Variants in ATF7IP2 observed in about 807,000 individuals in gnomAD.
The protein encoded by ATF7IP2 is activating transcription factor 7 interacting protein 2.
ATF7IP2 carries 42 observed loss-of-function variants against 64.2 expected under a neutral mutation model. The ratio of observed to expected loss-of-function variants is 0.65; its 90% confidence interval spans 0.51 to 0.85. The LOEUF (loss-of-function observed/expected upper bound fraction) is 0.85. Ranked by LOEUF, ATF7IP2 falls within the 40% of genes least tolerant of loss-of-function variation. The pLI is 0.00. For missense variants in ATF7IP2, 933 were observed against 784.2 expected (o/e 1.19, Z -2.27); for synonymous variants, 308 against 272.8 (o/e 1.13, Z -1.27).
At chr16:10,442,314 C>T (rs1352842743) in intron 8 of ATF7IP2, among the ~76,000 whole-genome samples, 1 of 152,164 alleles carries the variant, frequency 6.6e-6, no homozygotes, top group Non-Finnish European at 1.5e-5. Flanking sequence ...ACACTTTATT[C>T]TTCAAACTTA....
rs1474511123 is a variant in ATF7IP2, at chr16:10,433,628, G to A, written c.939G>A (p.Arg313=). The A allele has an allele frequency of 1.9e-6, 3 of 1,613,586 alleles. No homozygotes were observed. In the African/African-American group the frequency reaches 4.0e-5, roughly 22 times the overall value. The part of the protein sequence containing the change: ...INENICVSLE[R]QTAFLEQVRH... Reference sequence around the variant, plus strand: ...AAAATATTTGTGTAAGTTTGGAAAGGCAAACAGCATTCCTGGAACAGGTAA... The same window carrying A: ...AAAATATTTGTGTAAGTTTGGAAAGACAAACAGCATTCCTGGAACAGGTAA... The change falls in exon 6 of 14, where the codon AGG becomes AGA. Residue 313 remains arginine (R), a synonymous_variant. Coordinates refer to ENST00000562102, the MANE Select transcript of ATF7IP2 (RefSeq NM_001393719.1).
chr16:10,457,598 T>A (rs907749319), intron 9 of ATF7IP2, 69 bp downstream of exon 9: 53 of 1,184,460 alleles, frequency 4.5e-5, no homozygotes, highest in Non-Finnish European at 5.5e-5. Flanking sequence ...TTCATCACAG[T>A]TTTGGATCTT....
intron 8 of ATF7IP2, among the ~76,000 whole-genome samples, chr16:10,453,152 A>G (rs2049044120): frequency 6.6e-6 from 1 of 152,148 alleles, no homozygotes; most frequent in African/African-American, 2.4e-5. Context: ...AAACTCCTGC[A>G]CCTAACTCAG....
intron 4 of ATF7IP2, among the ~76,000 whole-genome samples, chr16:10,429,593 C>T (rs967034704): frequency 1.3e-5 from 2 of 152,140 alleles, no homozygotes; most frequent in Admixed American, 6.5e-5. Context: ...AGGTGATCCA[C>T]CTGCCTCGGC....
At chr16:10,417,890 G>T (rs1002209871) in intron 2 of ATF7IP2, among the ~76,000 whole-genome samples, 1 of 152,170 alleles carries the variant, frequency 6.6e-6, no homozygotes, top group East Asian at 1.9e-4. Context: ...TTTTATGAGG[G>T]TGTCATAAAA....
Position 10,424,267 on chromosome 16 carries a change from G to A in ATF7IP2, c.-159-4601G>A, listed in dbSNP as rs374834341. Among the ~76,000 whole-genome samples, 477 of 152,282 alleles carry A rather than the reference G, an allele frequency of 3.1e-3. 4 individuals carry two copies. The highest frequency in any genetic ancestry group is 0.014 in the Middle Eastern group (4 of 294). On this transcript the variant is annotated intron_variant, in intron 3 of 13. Coordinates refer to ENST00000562102, the MANE Select transcript of ATF7IP2 (RefSeq NM_001393719.1). Reference sequence around the variant, plus strand: ...ATAGCCATCACGAGCCTGTCACACTGCTGCAGAGATTTTGTTTATGGCCAG... The same window carrying A: ...ATAGCCATCACGAGCCTGTCACACTACTGCAGAGATTTTGTTTATGGCCAG...
In ATF7IP2 at chr16:10,412,013, T is replaced by G. The variant is rs1375412057; in HGVS notation, c.-241-2561T>G. ...TTTGTTTCATTTATCTTTTTTTGTT[T>G]TTTTTTTTTTTTTTTTTTTTTTTTT... On this transcript the variant is annotated intron_variant, in intron 1 of 13. Transcript: ENST00000562102. 2.6e-3 allele frequency among the ~76,000 whole-genome samples: 364 copies of G among 138,242 alleles called. 37 individuals are homozygous for G. The highest frequency in any genetic ancestry group is 8.2e-3 in the African/African-American group (303 of 36,808). The allele number at this position is 138,242 out of a possible 152,430, so 90.7% of individuals were successfully genotyped here.
At position 10,482,715 on chromosome 16, in the gene ATF7IP2, G is replaced by GTTAA. The variant is rs2050280605; in HGVS notation, c.*470_*473dup. ...TGACATGTTGGGCTGCATGATAAAAGTTAATTATAAAAATTAAAAGATTTT... is the reference window on the plus strand; with the variant it reads ...TGACATGTTGGGCTGCATGATAAAAGTTAATTAATTATAAAAATTAAAAGATTTT... On this transcript the variant is annotated 3_prime_UTR_variant, in exon 14 of 14. Coordinates refer to ENST00000562102, the MANE Select transcript of ATF7IP2 (RefSeq NM_001393719.1). 1.3e-5 allele frequency: 2 copies of GTTAA among 152,372 alleles called. No homozygotes were observed. Among genetic ancestry groups the GTTAA allele is most frequent in the Non-Finnish European group, 2.9e-5 (2 of 68,114 alleles). The allele number at this position is 152,372 out of a possible 1,614,324, so 9.4% of individuals were successfully genotyped here. A position where few individuals can be genotyped will look rare whatever the true frequency, so the allele number is the denominator to read the frequency against.
At chr16:10,463,993 C>G (rs537431507) in intron 9 of ATF7IP2, among the ~76,000 whole-genome samples, 13 of 152,122 alleles carry the variant, frequency 8.5e-5, no homozygotes, top group African/African-American at 3.1e-4. Context: ...TTTTTGCTTG[C>G]TTTCATAGCA....
intron 12 of ATF7IP2, among the ~76,000 whole-genome samples, chr16:10,479,443 T>C (rs948939825): frequency 9.2e-5 from 14 of 152,054 alleles, no homozygotes; most frequent in African/African-American, 2.7e-4. Flanking sequence ...TAGGTGGGAA[T>C]TGAACAATGA....
At chr16:10,451,727 T>C (rs1186658584) in intron 8 of ATF7IP2, among the ~76,000 whole-genome samples, 1 of 152,002 alleles carries the variant, frequency 6.6e-6, no homozygotes, top group African/African-American at 2.4e-5. Flanking sequence ...TATCTAACCT[T>C]TTTTCAAAGC....
chr16:10,438,671 G>A (rs1467137200), intron 7 of ATF7IP2, among the ~76,000 whole-genome samples: 1 of 152,134 alleles, frequency 6.6e-6, no homozygotes, highest in East Asian at 1.9e-4. Flanking sequence ...CATATCATAG[G>A]CAATGTAATT....
chr16:10,480,567 G>A (rs1291993908), intron 12 of ATF7IP2, among the ~76,000 whole-genome samples: 2 of 151,020 alleles, frequency 1.3e-5, no homozygotes, highest in Non-Finnish European at 2.9e-5. Context: ...AGACATCTTT[G>A]TTGGCCTAAC....
At chr16:10,457,308 T>C (rs865867130) in intron 8 of ATF7IP2, 64 bp from the exon 9 acceptor site, 4 of 1,417,272 alleles carry the variant, frequency 2.8e-6, no homozygotes, top group Middle Eastern at 1.8e-4. Flanking sequence ...AAATGCTAAT[T>C]TTGTTTGGAA....
At chr16:10,440,343 T>G (rs1167363357) in intron 7 of ATF7IP2, 21 bp from the exon 8 acceptor site, 6 of 1,300,570 alleles carry the variant, frequency 4.6e-6, no homozygotes, top group African/African-American at 3.0e-5. Context: ...TAGTATTTAT[T>G]TTTTTCTCTT....
At chr16:10,463,378 G>A (rs1419777348) in intron 9 of ATF7IP2, among the ~76,000 whole-genome samples, 1 of 152,148 alleles carries the variant, frequency 6.6e-6, no homozygotes, top group Non-Finnish European at 1.5e-5. Context: ...ACTATACTTA[G>A]TGACTCACTT....
chr16:10,417,221 C>G (rs1265099968), intron 2 of ATF7IP2, among the ~76,000 whole-genome samples: 3 of 152,034 alleles, frequency 2.0e-5, no homozygotes, highest in Non-Finnish European at 4.4e-5. Flanking sequence ...GGATCAAAAC[C>G]TCTCATATTA....
At chr16:10,394,573 CT>C (rs1367849224) in intron 1 of ATF7IP2, among the ~76,000 whole-genome samples, 2 of 152,144 alleles carry the variant, frequency 1.3e-5, no homozygotes, top group African/African-American at 4.8e-5. Flanking sequence ...GCAGAATAGA[CT>C]TTTGGAGTGT....
intron 1 of ATF7IP2, among the ~76,000 whole-genome samples, chr16:10,412,010 G>GTTTTTTTTT (rs71133351): frequency 1.7e-4 from 10 of 58,388 alleles, no homozygotes; most frequent in East Asian, 5.6e-4. Context: ...ATCTTTTTTT[G>GTTTTTTTTT]TTTTTTTTTT....
Sources: allele counts gnomAD v4.1 joint callset (sites outside exome capture counted in the v4.1 genomes callset), GRCh38; gene constraint gnomAD v4.1.1; transcripts MANE v1.5; gene names NCBI Gene and HGNC (gene_info 2026-07-23, HGNC 2026-07-21).